The following ZFPM1 variants were observed in gnomAD, a reference collection of about 807,000 sequenced individuals.
ZFPM1 encodes the protein zinc finger protein ZFPM1.
In ZFPM1, 28 loss-of-function variants were observed where a neutral mutation model predicts 46.3. The ratio of observed to expected loss-of-function variants is 0.60; its 90% CI spans 0.45 to 0.83. The LOEUF is 0.83. ZFPM1 is among the 40% of genes least tolerant of loss of function. ZFPM1 has a pLI of 0.00. For synonymous variants in ZFPM1, 957 were observed against 675.9 expected, an observed-to-expected ratio of 1.42 and a Z score of -6.45; for missense variants, 1,878 against 1,432.4, an observed-to-expected ratio of 1.31 and a Z score of -5.02.
chr16:88,517,240 G>C (rs573407240), intron 4 of ZFPM1, among the ~76,000 whole-genome samples: 4 of 138,826 alleles, frequency 2.9e-5, no homozygotes, highest in Admixed American at 7.0e-5. Context: ...GTGGGTGGGT[G>C]GGTGGATGGA....
intron 1 of ZFPM1, among the ~76,000 whole-genome samples, chr16:88,456,161 A>T (rs1170084601): frequency 6.6e-6 from 1 of 152,138 alleles, no homozygotes; most frequent in Admixed American, 6.5e-5. Flanking sequence ...CAAGAAGTTG[A>T]TCCTCCCCTG....
chr16:88,472,358 T>A (rs1264117378), intron 1 of ZFPM1, among the ~76,000 whole-genome samples: 48 of 149,158 alleles, frequency 3.2e-4, no homozygotes, highest in African/African-American at 1.1e-3. Flanking sequence ...AATTTTCTTT[T>A]TTTTTTTTTT....
chr16:88,535,983 G>T lies in ZFPM1; in HGVS notation c.*1004G>T, dbSNP rs1913231716. ...CGTCACTTTATTTTTTTATTTTTGGGTCTCACTCTCTTGCCCAGGCTGGAG... is the reference window on the plus strand; with the variant it reads ...CGTCACTTTATTTTTTTATTTTTGGTTCTCACTCTCTTGCCCAGGCTGGAG... On this transcript the variant is annotated 3_prime_UTR_variant, in exon 10 of 10. Transcript: ENST00000319555. 2 of 152,048 alleles carry T rather than the reference G, an allele frequency of 1.3e-5. No individual in the cohort carries two copies. The highest frequency in any genetic ancestry group is 4.8e-5 in the African/African-American group (2 of 41,410). The allele number at this position is 152,048 out of a possible 1,614,324, so 9.4% of individuals were successfully genotyped here. A position where few individuals can be genotyped will look rare whatever the true frequency, so the allele number is the denominator to read the frequency against.
intron 1 of ZFPM1, among the ~76,000 whole-genome samples, chr16:88,485,014 C>T (rs1375850363): frequency 6.6e-6 from 1 of 152,228 alleles, no homozygotes; most frequent in Admixed American, 6.5e-5. Context: ...TTGGTTTGTT[C>T]GCTCGACAAG....
chr16:88,509,515 C>T (rs1597262176), intron 3 of ZFPM1, among the ~76,000 whole-genome samples: 2 of 152,372 alleles, frequency 1.3e-5, no homozygotes, highest in East Asian at 3.9e-4. Context: ...GGCCCCGGTT[C>T]CCGGACGTCC....
chr16:88,529,827 T>A lies in ZFPM1; in HGVS notation c.712+1589T>A, dbSNP rs1912641737. Among the ~76,000 whole-genome samples the A allele has an allele frequency of 1.3e-5, 2 of 152,182 alleles. 1 individual carries two copies. Among genetic ancestry groups the A allele is most frequent in the South Asian group, 4.1e-4 (2 of 4,824 alleles). On this transcript the variant is annotated intron_variant, in intron 6 of 9. Coordinates refer to ENST00000319555, the MANE Select transcript of ZFPM1 (RefSeq NM_153813.3). ...AGAGGAGGCCTGCACAGGGGCCAGC[T>A]GGCCAGAGGGGGATGGGCTTGTGTG...
intron 4 of ZFPM1, among the ~76,000 whole-genome samples, chr16:88,518,478 G>A (rs946407075): frequency 1.3e-5 from 2 of 151,870 alleles, no homozygotes; most frequent in South Asian, 2.1e-4. Flanking sequence ...TGGGTAGATG[G>A]GTAGATGGAC....
At chr16:88,474,938 C>T (rs1156390622) in intron 1 of ZFPM1, among the ~76,000 whole-genome samples, 1 of 152,228 alleles carries the variant, frequency 6.6e-6, no homozygotes, top group Non-Finnish European at 1.5e-5. Context: ...CTGGGCAGCC[C>T]CTATGCCCAG....
intron 4 of ZFPM1, among the ~76,000 whole-genome samples, chr16:88,526,352 G>C (rs936665943): frequency 3.4e-4 from 51 of 152,194 alleles, no homozygotes; most frequent in Non-Finnish European, 1.8e-4. Flanking sequence ...AGGCATCTAG[G>C]GCCTGTGTGG....
Position 88,514,902 on chromosome 16 carries a change from CTG to C in ZFPM1, c.402+386_402+387del, listed in dbSNP as rs373890538. 1.2e-4 allele frequency among the ~76,000 whole-genome samples: 18 copies of C among 152,318 alleles called. 1 individual carries two copies. The highest frequency in any genetic ancestry group is 4.3e-4 in the African/African-American group (18 of 41,572). On this transcript the variant is annotated intron_variant, in intron 4 of 9. Transcript: ENST00000319555. ...TACAGCAGAGAGCGAGAGGGTAGTT[CTG>C]TGTCTGTCCCCGCGGACTCTTCTGA...
At chr16:88,460,863 A>T (rs924794911) in intron 1 of ZFPM1, among the ~76,000 whole-genome samples, 2 of 148,104 alleles carry the variant, frequency 1.4e-5, no homozygotes, top group Non-Finnish European at 3.0e-5. Flanking sequence ...CCAGCTGTTC[A>T]TGGGGCCACT....
At chr16:88,486,278 C>T (rs545559632) in intron 2 of ZFPM1, among the ~76,000 whole-genome samples, 1 of 152,334 alleles carries the variant, frequency 6.6e-6, no homozygotes, top group South Asian at 2.1e-4. Context: ...GAAATCCAGC[C>T]CTCATACAAA....
At chr16:88,526,706 C>T in intron 4 of ZFPM1, 108 bp from the exon 5 acceptor site, 2 of 1,253,348 alleles carry the variant, frequency 1.6e-6, no homozygotes, top group Non-Finnish European at 2.2e-6. Context: ...GGCCTACCAG[C>T]CAAGCCGGGA....
chr16:88,528,654 G>A (rs553356454), intron 6 of ZFPM1, among the ~76,000 whole-genome samples: 23 of 152,330 alleles, frequency 1.5e-4, no homozygotes, highest in African/African-American at 4.8e-4. Flanking sequence ...CGGGGGGTGA[G>A]CGGCAGCCCT....
At position 88,533,566 on chromosome 16, in the gene ZFPM1, GC is replaced by G; in HGVS notation, c.1614del (p.Ala539ProfsTer259). On this transcript the variant is annotated frameshift_variant, in exon 10 of 10. Coordinates refer to ENST00000319555, the MANE Select transcript of ZFPM1 (RefSeq NM_153813.3). LOFTEE classifies it low-confidence loss of function (END_TRUNC). The stretch of plus-strand genomic sequence containing the variant: ...AGTACGTGTTCGGGCCCGACGCGGC[GC>G]CCCCCGCCTCGGAGATCCTGGCCAA... ...PQYVFGPDAA[P>X]PASEILAKMS... is the part of the protein sequence containing the mutation. The G allele has an allele frequency of 7.4e-6, 11 of 1,484,264 alleles. No individual in the cohort carries two copies. Among genetic ancestry groups the G allele is most frequent in the Admixed American group, 6.6e-5 (3 of 45,428 alleles). 91.9% of individuals were successfully genotyped at this position (1,484,264 alleles called of 1,614,324 possible). A position where few individuals can be genotyped will look rare whatever the true frequency, so the allele number is the denominator to read the frequency against.
chr16:88,486,363 T>C (rs965407915), intron 2 of ZFPM1, among the ~76,000 whole-genome samples: 1 of 152,248 alleles, frequency 6.6e-6, no homozygotes, highest in Non-Finnish European at 1.5e-5. Context: ...CCAGCCTCAG[T>C]AGACCCTCTG....
chr16:88,528,537 G>T (rs1912527467), intron 6 of ZFPM1, among the ~76,000 whole-genome samples: 1 of 152,202 alleles, frequency 6.6e-6, no homozygotes, highest in Non-Finnish European at 1.5e-5. Context: ...TTCCCTGGGG[G>T]CAGACGCGGG....
intron 3 of ZFPM1, among the ~76,000 whole-genome samples, chr16:88,500,208 C>T (rs993033941): frequency 6.6e-6 from 1 of 152,170 alleles, no homozygotes; most frequent in Non-Finnish European, 1.5e-5. Context: ...GCAGGCCCAC[C>T]AGAGTCACCT....
At chr16:88,518,292 G>C (rs1911489649) in intron 4 of ZFPM1, among the ~76,000 whole-genome samples, 1 of 152,118 alleles carries the variant, frequency 6.6e-6, no homozygotes, top group Non-Finnish European at 1.5e-5. Context: ...TGGATGGGAG[G>C]ATAACCAGGT....
Sources: gnomAD v4.1 joint callset for allele counts (sites outside exome capture counted in the v4.1 genomes callset) on GRCh38, gnomAD v4.1.1 for gene constraint, MANE v1.5 for transcripts, NCBI Gene and HGNC (gene_info 2026-07-23, HGNC 2026-07-21) for gene names.